ECPAS: variants seen among roughly 807,000 people sequenced by gnomAD.
The protein encoded by ECPAS is proteasome adapter and scaffold protein ECM29.
Under a neutral mutation model 255.1 loss-of-function variants are expected in ECPAS, and 70 were observed. The ratio of observed to expected loss-of-function variants is 0.27; its 90% confidence interval spans 0.23 to 0.33. The LOEUF is 0.33. Among genes scored for constraint, ECPAS ranks in the 10% least tolerant of loss-of-function variants. ECPAS has a pLI of 1.00. For missense variants in ECPAS, 1,817 were observed against 2,206.4 expected (o/e 0.82, Z 3.54); for synonymous variants, 784 against 775.0 (o/e 1.01, Z -0.19).
intron 6 of ECPAS, among the ~76,000 whole-genome samples, chr9:111,438,208 C>A (rs541170788): frequency 1.3e-4 from 20 of 152,294 alleles, no homozygotes; most frequent in Non-Finnish European, 2.2e-4. Flanking sequence ...GCCATCATCA[C>A]CTGTCATTCT....
In ECPAS at chr9:111,378,566, C is replaced by A; in HGVS notation, c.3954+14G>T. The A allele has an allele frequency of 6.2e-7, 1 of 1,609,532 alleles. No homozygotes were observed. Among genetic ancestry groups the A allele is most frequent in the South Asian group, 1.1e-5 (1 of 90,632 alleles). On this transcript the variant is annotated intron_variant, in intron 36 of 49. Coordinates refer to ENST00000684092, the MANE Select transcript of ECPAS (RefSeq NM_001364929.1). The stretch of plus-strand genomic sequence containing the variant: ...CTCATGATACTTACCAATATGCCTG[C>A]GCTATCCACTCACCTTTTCTTGCTC...
In ECPAS at chr9:111,375,130, C is replaced by T. The variant is rs866462591; in HGVS notation, c.4093G>A (p.Val1365Ile). ...PRLCELIRSGVGLGTKGGCAS... is the reference protein window; with the variant it reads ...PRLCELIRSGIGLGTKGGCAS... ...ACACTTACCTTAGTTCCAAGACCTACACCACTTCTGATCAGTTCACACAAC... is the reference window on the plus strand; with the variant it reads ...ACACTTACCTTAGTTCCAAGACCTATACCACTTCTGATCAGTTCACACAAC... Residue 1365 changes from valine to isoleucine, a missense_variant, in exon 38 of 50, where the codon GTA becomes ATA. By Grantham distance (29) the Val-to-Ile change is conservative. Transcript: ENST00000684092. The T allele has an allele frequency of 6.2e-7, 1 of 1,613,352 alleles. No homozygotes were observed.
Position 111,483,604 on chromosome 9 carries a change from C to A in ECPAS, c.-83+512G>T, listed in dbSNP as rs7873839. 6.7e-3 allele frequency: 2,774 copies of A among 416,180 alleles called. 96 individuals carry two copies. Among genetic ancestry groups the A allele is most frequent in the African/African-American group, 0.058 (2,614 of 45,252 alleles). The allele number at this position is 416,180 out of a possible 1,614,324, so 25.8% of individuals were successfully genotyped here. ...GGGCAGGGCGCGGCCGGGGGGCTCG[C>A]GGCTCGCGGTGCGGCAGGGGCCGCG... On this transcript the variant is annotated intron_variant, in intron 1 of 49. Transcript: ENST00000684092.
rs568325947 is a variant in ECPAS, at chr9:111,434,288, A to G, written c.709-916T>C. On this transcript the variant is annotated intron_variant, in intron 7 of 49. Coordinates refer to ENST00000684092, the MANE Select transcript of ECPAS (RefSeq NM_001364929.1). ...ATTTGTACAGCCACAAAAAGGACAC[A>G]TGGAAGTCAAGTACACAAAGATATA... 6.8e-4 allele frequency among the ~76,000 whole-genome samples: 103 copies of G among 152,356 alleles called. 1 individual carries two copies. The highest frequency in any genetic ancestry group is 2.3e-3 in the African/African-American group (96 of 41,592).
chr9:111,440,245 C>G, intron 6 of ECPAS, 127 bp downstream of exon 6: 1 of 825,268 alleles, frequency 1.2e-6, no homozygotes. Flanking sequence ...AGAAAAAAAT[C>G]TTTGTAAACG....
chr9:111,393,876 G>A, intron 26 of ECPAS, 142 bp from the exon 27 acceptor site: 2 of 700,928 alleles, frequency 2.9e-6, no homozygotes, highest in Non-Finnish European at 4.8e-6. Context: ...CTTTACAGGT[G>A]GCCCAAATCA....
chr9:111,361,946 C>T lies in ECPAS; in HGVS notation c.*84G>A. 2 of 1,499,622 alleles carry T rather than the reference C, an allele frequency of 1.3e-6. No individual in the cohort carries two copies. The highest frequency in any genetic ancestry group is 2.0e-5 in the Admixed American group (1 of 49,678). The allele number at this position is 1,499,622 out of a possible 1,614,324, so 92.9% of individuals were successfully genotyped here. ...GATGCATGCTACAGATTAATCTTTA[C>T]TTTTTCCCACTTGGTTTTTCAAAGA... is the stretch of plus-strand genomic sequence containing the variant. On this transcript the variant is annotated 3_prime_UTR_variant, in exon 50 of 50. Transcript: ENST00000684092.
intron 22 of ECPAS, 70 bp from the exon 23 acceptor site, chr9:111,410,283 TA>T: frequency 7.5e-7 from 1 of 1,331,550 alleles, no homozygotes; most frequent in South Asian, 1.6e-5. Context: ...ACCAGTGATG[TA>T]CTCAAGGTTT....
intron 35 of ECPAS, among the ~76,000 whole-genome samples, chr9:111,382,998 G>A (rs904457382): frequency 5.9e-5 from 9 of 152,174 alleles, no homozygotes; most frequent in Non-Finnish European, 1.2e-4. Context: ...GATGACAACA[G>A]AACAACACGC....
intron 10 of ECPAS, among the ~76,000 whole-genome samples, chr9:111,426,280 G>A (rs766378232): frequency 2.0e-5 from 3 of 151,592 alleles, no homozygotes; most frequent in Non-Finnish European, 2.9e-5. Flanking sequence ...TGAGTCCTGT[G>A]CAGCATCCAG....
rs762711882 is a variant in ECPAS at position 111,393,710 on chromosome 9, C to G, written c.2947G>C (p.Ala983Pro). 2.5e-6 allele frequency: 4 copies of G among 1,588,706 alleles called. No homozygotes were observed. The highest frequency in any genetic ancestry group is 3.5e-6 in the Non-Finnish European group (4 of 1,158,452). ...TTTTCTGATAGAACTGAAACAAATG[C>G]ACTTTGAATTTCTTTAAGATGAGAC... ...VKSHLKEIQSAFVSVLSENDE... is the reference protein window; with the variant it reads ...VKSHLKEIQSPFVSVLSENDE... The change falls in exon 27 of 50, where the codon GCA becomes CCA. Residue 983 changes from alanine to proline, a missense_variant. By Grantham distance (27) the Ala-to-Pro change is conservative. This residue lies in a region of ECPAS where 960 missense variants were observed against 1,179.0 expected (regional missense o/e 0.81). Coordinates refer to ENST00000684092, the MANE Select transcript of ECPAS (RefSeq NM_001364929.1).
At chr9:111,451,582 G>A in intron 2 of ECPAS, 27 bp from the exon 3 acceptor site, 1 of 1,516,906 alleles carries the variant, frequency 6.6e-7, no homozygotes, top group Non-Finnish European at 8.8e-7. Flanking sequence ...AAAAAAGAGA[G>A]AACTTAGCAA....
At chr9:111,395,188 C>T (rs909113806) in intron 25 of ECPAS, among the ~76,000 whole-genome samples, 5 of 152,192 alleles carry the variant, frequency 3.3e-5, no homozygotes, top group African/African-American at 9.6e-5. Context: ...GTAACCACAA[C>T]TCTAGCTGCC....
At chr9:111,445,588 A>G (rs780178681) in intron 3 of ECPAS, among the ~76,000 whole-genome samples, 11 of 152,212 alleles carry the variant, frequency 7.2e-5, no homozygotes, top group Non-Finnish European at 1.5e-4. Flanking sequence ...GCCCAGAACG[A>G]TAAGAGTTCA....
At chr9:111,465,487 C>A (rs907506616) in intron 2 of ECPAS, among the ~76,000 whole-genome samples, 1 of 151,984 alleles carries the variant, frequency 6.6e-6, no homozygotes, top group East Asian at 1.9e-4. Context: ...TTGCAGTGAG[C>A]CGAGATCGTG....
At chr9:111,383,945 TAAATA>T (rs201206133) in intron 34 of ECPAS, among the ~76,000 whole-genome samples, 1,752 of 144,248 alleles carry the variant, frequency 0.012, 16 homozygotes, top group Non-Finnish European at 0.018. Context: ...AATAAAAAAT[TAAATA>T]AAGAAGTTTT....
intron 1 of ECPAS, among the ~76,000 whole-genome samples, chr9:111,474,299 CA>C (rs2098293417): frequency 6.6e-6 from 1 of 152,208 alleles, no homozygotes; most frequent in South Asian, 2.1e-4. Flanking sequence ...GTTACTCCTC[CA>C]CCTTCTAGTC....
At chr9:111,410,894 C>A in intron 22 of ECPAS, 86 bp downstream of exon 22, 1 of 1,290,472 alleles carries the variant, frequency 7.7e-7, no homozygotes, top group Non-Finnish European at 1.1e-6. Context: ...AAATACAATG[C>A]CATAAAAAGA....
intron 1 of ECPAS, among the ~76,000 whole-genome samples, chr9:111,483,037 G>A (rs1244481375): frequency 6.6e-6 from 1 of 152,204 alleles, no homozygotes; most frequent in African/African-American, 2.4e-5. Context: ...TGACCTTTCG[G>A]CTGATTACTA....
Sources: gnomAD v4.1 joint callset for allele counts (sites outside exome capture counted in the v4.1 genomes callset) on GRCh38, gnomAD v4.1.1 for gene constraint, gnomAD v4.1.1 regional missense constraint, MANE v1.5 for transcripts, NCBI Gene and HGNC (gene_info 2026-07-23, HGNC 2026-07-21) for gene names.